The following SGCD variants were observed in gnomAD, a reference collection of about 807,000 sequenced individuals.
SGCD encodes the protein delta-sarcoglycan.
In SGCD, 18 loss-of-function variants were observed where a neutral mutation model predicts 36.6. That is an observed-to-expected ratio of 0.49 (90% CI 0.34 to 0.73). The LOEUF is 0.73. Among genes scored for constraint, SGCD ranks in the 30% least tolerant of loss-of-function variants. The pLI is 0.01. For synonymous variants in SGCD, 133 were observed against 130.6 expected, an observed-to-expected ratio of 1.02 and a Z score of -0.12; for missense variants, 387 against 346.7, an observed-to-expected ratio of 1.12 and a Z score of -0.92.
intron 1 of SGCD, among the ~76,000 whole-genome samples, chr5:156,075,946 G>T (rs911223289): frequency 2.6e-5 from 4 of 152,162 alleles, no homozygotes; most frequent in African/African-American, 9.7e-5. Context: ...CTTCCACACA[G>T]ATGGAATCCT....
intron 3 of SGCD, among the ~76,000 whole-genome samples, chr5:156,200,299 A>G (rs989535291): frequency 6.6e-6 from 1 of 152,172 alleles, no homozygotes; most frequent in African/African-American, 2.4e-5. Flanking sequence ...ATGTTGTGGT[A>G]CTGGCATAAA....
At chr5:156,138,766 C>A (rs1762514744) in intron 3 of SGCD, among the ~76,000 whole-genome samples, 1 of 152,184 alleles carries the variant, frequency 6.6e-6, no homozygotes, top group South Asian at 2.1e-4. Flanking sequence ...TAGAAGGAAC[C>A]ACCAAATGGT....
chr5:156,192,315 A>G (rs1183166098), intron 3 of SGCD, among the ~76,000 whole-genome samples: 1 of 152,132 alleles, frequency 6.6e-6, no homozygotes. Flanking sequence ...TATACAAAAC[A>G]TTTTCTTTGT....
intron 3 of SGCD, among the ~76,000 whole-genome samples, chr5:156,239,129 G>T (rs1377119194): frequency 6.6e-6 from 1 of 152,102 alleles, no homozygotes; most frequent in Non-Finnish European, 1.5e-5. Context: ...GCTGGGCATG[G>T]TGGCTCATGC....
intron 7 of SGCD, among the ~76,000 whole-genome samples, chr5:156,674,780 C>T (rs1289757929): frequency 2.6e-5 from 4 of 152,144 alleles, no homozygotes; most frequent in African/African-American, 4.8e-5. Flanking sequence ...GAATCTGTGA[C>T]CAGCATCGAC....
chr5:156,436,901 G>A (rs1201846177), intron 3 of SGCD, among the ~76,000 whole-genome samples: 2 of 152,160 alleles, frequency 1.3e-5, no homozygotes, highest in Admixed American at 1.3e-4. Context: ...GAAAGTGTCA[G>A]GGTGCTGATT....
In SGCD at chr5:156,268,564, C is replaced by CTCCTTCCTTCCT. The variant is rs57057008; in HGVS notation, c.-43-60944_-43-60933dup. On this transcript the variant is annotated intron_variant, in intron 3 of 9. Transcript: ENST00000517913. ...GCTATCTCATTGTGGTTTTGATTTG[C>CTCCTTCCTTCCT]TCCTTCCTTCCTTCCTTCCTTCCTT... Among the ~76,000 whole-genome samples, 170 of 149,578 alleles carry CTCCTTCCTTCCT rather than the reference C, an allele frequency of 1.1e-3. 1 individual carries two copies. In the Middle Eastern group the frequency reaches 0.031, roughly 27 times the overall value.
rs745487169 is a variant in SGCD, at chr5:156,344,584, A to T, written c.99A>T (p.Arg33=). 3.1e-6 allele frequency: 5 copies of T among 1,612,510 alleles called. No homozygotes were observed. Among genetic ancestry groups the T allele is most frequent in the Non-Finnish European group, 4.2e-6 (5 of 1,179,168 alleles). The change falls in exon 3 of 9, where the codon CGA becomes CGT. Residue 33 remains arginine (R), a synonymous_variant. Transcript: ENST00000337851. ...TGGGGATTTATGGCTGGCGGAAACG[A>T]TGCCTGTATTTCTTTGTCCTGCTCC... ...YKVGIYGWRK[R]CLYFFVLLLM... is the part of the protein sequence containing the mutation.
At chr5:156,617,593 G>A (rs1455512566) in intron 6 of SGCD, among the ~76,000 whole-genome samples, 1 of 152,172 alleles carries the variant, frequency 6.6e-6, no homozygotes, top group African/African-American at 2.4e-5. Context: ...CTGCCCAGTG[G>A]GAGAAGCCAG....
chr5:156,095,308 G>A (rs1025235894), intron 1 of SGCD, among the ~76,000 whole-genome samples: 1 of 152,172 alleles, frequency 6.6e-6, no homozygotes, highest in Non-Finnish European at 1.5e-5. Flanking sequence ...AATGACATCT[G>A]TTAGTACCTC....
At chr5:155,896,645 C>CAA (rs34856419) in intron 1 of SGCD, among the ~76,000 whole-genome samples, 2,338 of 128,074 alleles carry the variant, frequency 0.018, 58 homozygotes, top group African/African-American at 0.062. Context: ...GACCGTGTCT[C>CAA]AAAAAAAAAA....
chr5:156,691,206 C>CAAAAAA lies in SGCD; in HGVS notation c.575+43685_575+43690dup, dbSNP rs58947494. Among the ~76,000 whole-genome samples, 153 of 61,850 alleles carry CAAAAAA rather than the reference C, an allele frequency of 2.5e-3. 27 individuals are homozygous for CAAAAAA. The highest frequency in any genetic ancestry group is 4.8e-3 in the East Asian group (8 of 1,660). 40.6% of individuals were successfully genotyped at this position (61,850 alleles called of 152,430 possible). On this transcript the variant is annotated intron_variant, in intron 7 of 8. Transcript: ENST00000337851. ...TGGGCAACAGAGCGAGACTCTGTCT[C>CAAAAAA]AAAAAAAAAAAAAAAAAAAAGAGAG...
At chr5:156,104,605 A>G (rs1761599920) in intron 1 of SGCD, among the ~76,000 whole-genome samples, 1 of 152,148 alleles carries the variant, frequency 6.6e-6, no homozygotes, top group South Asian at 2.1e-4. Flanking sequence ...CCAATATCCA[A>G]ATGGGGCTGT....
chr5:156,014,770 G>T (rs1276768762), intron 1 of SGCD, among the ~76,000 whole-genome samples: 1 of 152,046 alleles, frequency 6.6e-6, no homozygotes, highest in Non-Finnish European at 1.5e-5. Context: ...TAGTGTCTTA[G>T]TTTAGAACAG....
At chr5:156,208,805 T>G (rs761424651) in intron 3 of SGCD, among the ~76,000 whole-genome samples, 1 of 152,204 alleles carries the variant, frequency 6.6e-6, no homozygotes, top group Non-Finnish European at 1.5e-5. Flanking sequence ...AATAGAACTT[T>G]CCAGCATTTG....
intron 3 of SGCD, among the ~76,000 whole-genome samples, chr5:156,205,352 C>A (rs1488096928): frequency 6.6e-6 from 1 of 151,794 alleles, no homozygotes; most frequent in Non-Finnish European, 1.5e-5. Context: ...CAAACAATGG[C>A]AAATAAATGA....
At chr5:155,881,423 C>A (rs1755883397) in intron 1 of SGCD, among the ~76,000 whole-genome samples, 1 of 108,262 alleles carries the variant, frequency 9.2e-6, no homozygotes, top group African/African-American at 5.8e-5. Flanking sequence ...GGTGCAATGG[C>A]ATTATGTCTA....
chr5:155,943,530 G>A (rs897601957), intron 1 of SGCD, among the ~76,000 whole-genome samples: 1 of 152,138 alleles, frequency 6.6e-6, no homozygotes, highest in Non-Finnish European at 1.5e-5. Flanking sequence ...TCAATGGACT[G>A]TAATAACTAA....
intron 6 of SGCD, among the ~76,000 whole-genome samples, chr5:156,598,081 TGCCTATA>T (rs1302245621): frequency 6.6e-6 from 1 of 152,344 alleles, no homozygotes; most frequent in East Asian, 1.9e-4. Flanking sequence ...TTCAAATCCC[TGCCTATA>T]GACTCCAGCC....
Sources: gnomAD v4.1 joint callset for allele counts (sites outside exome capture counted in the v4.1 genomes callset) on GRCh38, gnomAD v4.1.1 for gene constraint, MANE v1.5 for transcripts, NCBI Gene and HGNC (gene_info 2026-07-23, HGNC 2026-07-21) for gene names.